Variants in GPT2 observed in about 807,000 individuals in gnomAD.
GPT2 encodes glutamic--pyruvic transaminase 2.
Under a neutral mutation model 56.9 loss-of-function variants are expected in GPT2, and 30 were observed. The ratio of observed to expected loss-of-function variants is 0.53; its 90% CI spans 0.39 to 0.72. The LOEUF (loss-of-function observed/expected upper bound fraction) is 0.72. Ranked by LOEUF, GPT2 falls within the 30% of genes least tolerant of loss-of-function variation. The pLI is 0.00. For missense variants in GPT2, 542 were observed against 703.4 expected, an observed-to-expected ratio of 0.77 and a Z score of 2.60; for synonymous variants, 271 against 283.1, an observed-to-expected ratio of 0.96 and a Z score of 0.43.
intron 10 of GPT2, 121 bp downstream of exon 10, chr16:46,924,665 CCT>C (rs929293440): frequency 3.9e-5 from 39 of 999,340 alleles, no homozygotes; most frequent in Non-Finnish European, 5.6e-5. Context: ...ACTGTATGCA[CCT>C]CTCGGCCAGA....
At chr16:46,910,914 G>T (rs1419408714) in intron 6 of GPT2, among the ~76,000 whole-genome samples, 1 of 152,120 alleles carries the variant, frequency 6.6e-6, no homozygotes, top group Non-Finnish European at 1.5e-5. Context: ...TTTAAGACTG[G>T]TTTTTTGGGT....
Position 46,929,020 on chromosome 16 carries a change from G to T in GPT2, c.*23G>T. ...TGAGGACGCCTGAGCCCCAGCGGGA[G>T]ACCTGTCCTTGGCTCTTCCTCCCAA... is the stretch of plus-strand genomic sequence containing the variant. On this transcript the variant is annotated 3_prime_UTR_variant, in exon 12 of 12. Coordinates refer to ENST00000340124, the MANE Select transcript of GPT2 (RefSeq NM_133443.4). 1 of 1,593,426 alleles carries T rather than the reference G, an allele frequency of 6.3e-7. No individual in the cohort carries two copies. The highest frequency in any genetic ancestry group is 1.1e-5 in the South Asian group (1 of 90,608).
chr16:46,902,115 G>T (rs192417338), intron 4 of GPT2, among the ~76,000 whole-genome samples: 1 of 152,230 alleles, frequency 6.6e-6, no homozygotes, highest in South Asian at 2.1e-4. Context: ...ACGGATTTTT[G>T]TTCCACGTGC....
In GPT2 at chr16:46,931,161, TGGG is replaced by T. The variant is rs1299510262; in HGVS notation, c.*2166_*2168del. On this transcript the variant is annotated 3_prime_UTR_variant, in exon 12 of 12. Coordinates refer to ENST00000340124, the MANE Select transcript of GPT2 (RefSeq NM_133443.4). ...TCCTGTTCTGGTGTGTGTGGAGTGT[TGGG>T]GAGGAACAGATGCAGATCAACCTGT... 1 of 152,176 alleles carries T rather than the reference TGGG, an allele frequency of 6.6e-6. No individual in the cohort carries two copies. The highest frequency in any genetic ancestry group is 1.9e-4 in the East Asian group (1 of 5,200). 9.4% of individuals were successfully genotyped at this position (152,176 alleles called of 1,614,324 possible). A position where few individuals can be genotyped will look rare whatever the true frequency, so the allele number is the denominator to read the frequency against.
chr16:46,908,289 T>A (rs1366288686), intron 5 of GPT2, among the ~76,000 whole-genome samples: 1 of 122,828 alleles, frequency 8.1e-6, no homozygotes, highest in African/African-American at 3.2e-5. Flanking sequence ...TGCAGTCCTG[T>A]GTTTGGGGGA....
In GPT2 at chr16:46,884,944, C is replaced by A; in HGVS notation, c.229C>A (p.Leu77Ile). 1 of 1,520,246 alleles carries A rather than the reference C, an allele frequency of 6.6e-7. No individual in the cohort carries two copies. The highest frequency in any genetic ancestry group is 1.2e-5 in the South Asian group (1 of 81,280). 94.2% of individuals were successfully genotyped at this position (1,520,246 alleles called of 1,614,324 possible). Residue 77 changes from leucine to isoleucine, a missense_variant, in exon 2 of 12, where the codon CTC (leucine) becomes ATC (isoleucine). Coordinates refer to ENST00000340124, the MANE Select transcript of GPT2 (RefSeq NM_133443.4). ...PIVLKAGEIELELQRGIKKPF... is the reference protein window; with the variant it reads ...PIVLKAGEIEIELQRGIKKPF... Reference sequence around the variant, plus strand: ...CGTGCTCAAGGCCGGCGAGATCGAGCTCGAGCTGCAGCGGGTGAGCGCGCG... The same window carrying A: ...CGTGCTCAAGGCCGGCGAGATCGAGATCGAGCTGCAGCGGGTGAGCGCGCG...
chr16:46,907,082 C>T (rs542352223), intron 5 of GPT2, 107 bp downstream of exon 5: 25 of 1,474,796 alleles, frequency 1.7e-5, no homozygotes, highest in Middle Eastern at 4.6e-4. Flanking sequence ...GGTGGCAGCA[C>T]GGGTGGCCAC....
At chr16:46,903,099 A>C (rs1960851910) in intron 4 of GPT2, among the ~76,000 whole-genome samples, 1 of 151,886 alleles carries the variant, frequency 6.6e-6, no homozygotes, top group Non-Finnish European at 1.5e-5. Context: ...AAATACAAAA[A>C]TTAGCCAGGC....
chr16:46,901,956 C>G (rs530534991), intron 4 of GPT2, among the ~76,000 whole-genome samples: 2 of 152,392 alleles, frequency 1.3e-5, no homozygotes, highest in Non-Finnish European at 2.9e-5. Flanking sequence ...TCCTTTCCCC[C>G]CTGCACCCTC....
chr16:46,906,894 C>G lies in GPT2; in HGVS notation c.495C>G (p.Ala165=), dbSNP rs1339256437. ...GVNCIREDVA[A]YITRRDGGVP... The stretch of plus-strand genomic sequence containing the variant: ...ACTGCATCCGTGAAGATGTGGCTGC[C>G]TACATCACCAGGAGGGATGGCGGTG... Residue 165 remains alanine (A), a synonymous_variant, in exon 5 of 12, where the codon GCC becomes GCG. Transcript: ENST00000340124. 2 of 1,614,238 alleles carry G rather than the reference C, an allele frequency of 1.2e-6. No homozygotes were observed. Among genetic ancestry groups the G allele is most frequent in the Non-Finnish European group, 8.5e-7 (1 of 1,180,054 alleles).
chr16:46,897,796 G>A (rs1303868747), intron 3 of GPT2, 59 bp downstream of exon 3: 28 of 1,482,750 alleles, frequency 1.9e-5, no homozygotes, highest in Admixed American at 5.1e-5. Flanking sequence ...TGGGCGGGCC[G>A]TCATAGGGGC....
intron 5 of GPT2, 129 bp downstream of exon 5, chr16:46,907,104 C>G (rs1840625143): frequency 8.4e-7 from 1 of 1,197,120 alleles, no homozygotes; most frequent in Non-Finnish European, 1.2e-6. Context: ...CTCTGGTCCC[C>G]CAGCCCTGGC....
chr16:46,921,723 T>A (rs1478232770), intron 8 of GPT2, among the ~76,000 whole-genome samples: 1 of 152,130 alleles, frequency 6.6e-6, no homozygotes, highest in African/African-American at 2.4e-5. Flanking sequence ...ATAATTTGGC[T>A]ATAAATTACA....
chr16:46,885,488 C>A, intron 2 of GPT2: 6 of 985,362 alleles, frequency 6.1e-6, no homozygotes, highest in Non-Finnish European at 7.2e-6. Flanking sequence ...ATCCTGATTC[C>A]CGGAAGAGAG....
At chr16:46,913,634 AC>A (rs1596876765) in intron 6 of GPT2, among the ~76,000 whole-genome samples, 2 of 152,256 alleles carry the variant, frequency 1.3e-5, no homozygotes, top group East Asian at 3.8e-4. Context: ...CCACAGTCTT[AC>A]AAGGTACGTG....
chr16:46,905,851 C>T (rs1960914327), intron 4 of GPT2, among the ~76,000 whole-genome samples: 1 of 152,200 alleles, frequency 6.6e-6, no homozygotes, highest in African/African-American at 2.4e-5. Flanking sequence ...TCAATACCCC[C>T]ACCCCAGAGC....
At chr16:46,922,093 C>T (rs1030311775) in intron 8 of GPT2, 149 bp from the exon 9 acceptor site, 1 of 677,054 alleles carries the variant, frequency 1.5e-6, no homozygotes, top group Non-Finnish European at 2.5e-6. Context: ...ACAATCATCA[C>T]TGTTGTTCAC....
chr16:46,915,886 TAC>T (rs935548327), intron 6 of GPT2: 24 of 124,120 alleles, frequency 1.9e-4, no homozygotes, highest in South Asian at 7.9e-4. Context: ...ACACTACAAC[TAC>T]ACACACACCA....
intron 11 of GPT2, among the ~76,000 whole-genome samples, chr16:46,928,438 C>T (rs1459336686): frequency 1.3e-5 from 2 of 152,094 alleles, no homozygotes; most frequent in East Asian, 3.9e-4. Flanking sequence ...GCCTGGTCAA[C>T]ATGGTGAAAC....
Sources: gnomAD v4.1 joint callset for allele counts (sites outside exome capture counted in the v4.1 genomes callset) on GRCh38, gnomAD v4.1.1 for gene constraint, MANE v1.5 for transcripts, NCBI Gene and HGNC (gene_info 2026-07-23, HGNC 2026-07-21) for gene names.